Variants in LRFN2 observed in about 807,000 individuals in gnomAD.
LRFN2 encodes leucine rich repeat and fibronectin type III domain containing 2.
LRFN2 carries 18 observed loss-of-function variants against 37.3 expected under a neutral mutation model. That is an observed-to-expected ratio of 0.48 (90% CI 0.33 to 0.72). LRFN2 has a LOEUF of 0.72. Among genes scored for constraint, LRFN2 ranks in the 30% least tolerant of loss-of-function variants. LRFN2 has a pLI of 0.02. For missense variants in LRFN2, 1,006 were observed against 1,060.7 expected (o/e 0.95, Z 0.72); for synonymous variants, 556 against 466.6 (o/e 1.19, Z -2.47).
chr6:40,502,813 T>G (rs1454715690), intron 1 of LRFN2, among the ~76,000 whole-genome samples: 1 of 152,176 alleles, frequency 6.6e-6, no homozygotes, highest in Non-Finnish European at 1.5e-5. Flanking sequence ...CCATACAGCT[T>G]AGAGTCGAGC....
At position 40,469,417 on chromosome 6, in the gene LRFN2, C is replaced by G. The variant is rs920591395; in HGVS notation, c.-18-36286G>C. Among the ~76,000 whole-genome samples the G allele has an allele frequency of 6.6e-5, 10 of 152,314 alleles. No homozygotes were observed. In the East Asian group the frequency reaches 1.4e-3, roughly 21 times the overall value. ...CAACCATCATCTTTGGACAGGAAACCTCCTATCCTGGGCTAGTAGGGCCTG... is the reference window on the plus strand; with the variant it reads ...CAACCATCATCTTTGGACAGGAAACGTCCTATCCTGGGCTAGTAGGGCCTG... On this transcript the variant is annotated intron_variant, in intron 1 of 2. Coordinates refer to ENST00000338305, the MANE Select transcript of LRFN2 (RefSeq NM_020737.3).
intron 1 of LRFN2, among the ~76,000 whole-genome samples, chr6:40,490,968 T>G (rs1765078675): frequency 6.6e-6 from 1 of 152,132 alleles, no homozygotes. Context: ...GAGGGGTATG[T>G]GCATGGTGTG....
chr6:40,418,056 C>G (rs1330952003), intron 2 of LRFN2, among the ~76,000 whole-genome samples: 3 of 152,170 alleles, frequency 2.0e-5, no homozygotes, highest in Admixed American at 2.0e-4. Flanking sequence ...CCGTCTCATT[C>G]AAGATAAAAT....
chr6:40,498,530 T>TA (rs1212360010), intron 1 of LRFN2, among the ~76,000 whole-genome samples: 1 of 152,206 alleles, frequency 6.6e-6, no homozygotes. Context: ...AAAAAGCATG[T>TA]AGACTTGCTC....
At chr6:40,519,289 G>A (rs1345380703) in intron 1 of LRFN2, among the ~76,000 whole-genome samples, 1 of 152,178 alleles carries the variant, frequency 6.6e-6, no homozygotes, top group Non-Finnish European at 1.5e-5. Context: ...TCAGAGAGGT[G>A]GAATGACTGG....
intron 1 of LRFN2, among the ~76,000 whole-genome samples, chr6:40,438,894 G>A (rs77461769): frequency 6.0e-4 from 92 of 152,214 alleles, no homozygotes; most frequent in African/African-American, 2.1e-3. Flanking sequence ...TAGGCCCTTG[G>A]TTTGTAATAA....
intron 2 of LRFN2, among the ~76,000 whole-genome samples, chr6:40,425,712 G>A (rs1240262362): frequency 6.6e-6 from 1 of 152,268 alleles, no homozygotes; most frequent in Admixed American, 6.5e-5. Flanking sequence ...CTGGTGGACT[G>A]TCTGTCTCCA....
At chr6:40,443,132 T>C (rs1763881615) in intron 1 of LRFN2, among the ~76,000 whole-genome samples, 1 of 152,194 alleles carries the variant, frequency 6.6e-6, no homozygotes, top group Non-Finnish European at 1.5e-5. Flanking sequence ...GAACAGGTTA[T>C]AGACAAAGGG....
chr6:40,524,298 C>T (rs1370742740), intron 1 of LRFN2, among the ~76,000 whole-genome samples: 1 of 152,120 alleles, frequency 6.6e-6, no homozygotes, highest in Non-Finnish European at 1.5e-5. Flanking sequence ...TGTCCCATAA[C>T]CAGGACAGAT....
chr6:40,432,570 G>T lies in LRFN2; in HGVS notation c.544C>A (p.His182Asn). 2.5e-6 allele frequency: 4 copies of T among 1,614,232 alleles called. No individual in the cohort carries two copies. Among genetic ancestry groups the T allele is most frequent in the Non-Finnish European group, 8.5e-7 (1 of 1,180,034 alleles). ...MVNLHQLSLD[H>N]NLLDHIAEGT... ...TCGGCGATGTGATCCAGCAGGTTGT[G>T]GTCCAGGCTCAGCTGGTGGAGGTTG... The change falls in exon 2 of 3, where the codon CAC (histidine) becomes AAC (asparagine). Residue 182 changes from histidine (H) to asparagine (N), a missense_variant. This residue lies in a region of LRFN2 where 185 missense variants were observed against 254.9 expected (regional missense o/e 0.73). Transcript: ENST00000338305.
At chr6:40,399,426 C>CTTTTT (rs61458320) in intron 2 of LRFN2, among the ~76,000 whole-genome samples, 6 of 134,398 alleles carry the variant, frequency 4.5e-5, no homozygotes, top group Admixed American at 8.1e-5. Flanking sequence ...TTTTTCTTTT[C>CTTTTT]TTTTTTTTTT....
chr6:40,577,042 T>G (rs1436137290), intron 1 of LRFN2, among the ~76,000 whole-genome samples: 1 of 141,142 alleles, frequency 7.1e-6, no homozygotes, highest in Non-Finnish European at 1.6e-5. Context: ...CTACTGGAGG[T>G]CCTCATTCCC....
chr6:40,510,594 G>A (rs922552957), intron 1 of LRFN2, among the ~76,000 whole-genome samples: 7 of 152,362 alleles, frequency 4.6e-5, no homozygotes, highest in African/African-American at 1.7e-4. Context: ...GGCACAGTGA[G>A]GAGTGGGGTG....
chr6:40,514,949 C>G (rs762059667), intron 1 of LRFN2, among the ~76,000 whole-genome samples: 6 of 152,184 alleles, frequency 3.9e-5, no homozygotes, highest in Non-Finnish European at 8.8e-5. Flanking sequence ...AACTTCTCAG[C>G]AGTAGCCACC....
chr6:40,574,330 T>G (rs1296738339), intron 1 of LRFN2, among the ~76,000 whole-genome samples: 1 of 152,188 alleles, frequency 6.6e-6, no homozygotes. Flanking sequence ...CTAAGTGACT[T>G]GCATGAGGGT....
chr6:40,457,535 G>A (rs892241397), intron 1 of LRFN2, among the ~76,000 whole-genome samples: 11 of 151,282 alleles, frequency 7.3e-5, no homozygotes, highest in African/African-American at 2.7e-4. Context: ...CACCTTGAGA[G>A]GCTGAGGCAG....
At chr6:40,543,053 G>T (rs1766585491) in intron 1 of LRFN2, among the ~76,000 whole-genome samples, 1 of 152,134 alleles carries the variant, frequency 6.6e-6, no homozygotes, top group African/African-American at 2.4e-5. Flanking sequence ...AAAGTGACTG[G>T]GCCTGATGAC....
intron 1 of LRFN2, among the ~76,000 whole-genome samples, chr6:40,487,400 G>A (rs1353229298): frequency 6.6e-6 from 1 of 152,146 alleles, no homozygotes; most frequent in Non-Finnish European, 1.5e-5. Flanking sequence ...TGCCTCACAG[G>A]TGCTCCAGAT....
intron 1 of LRFN2, among the ~76,000 whole-genome samples, chr6:40,526,312 T>C (rs1187504225): frequency 6.6e-6 from 1 of 152,208 alleles, no homozygotes; most frequent in Non-Finnish European, 1.5e-5. Context: ...TGCGTCACCA[T>C]TCCAAGTGCC....
Sources: allele counts gnomAD v4.1 joint callset (sites outside exome capture counted in the v4.1 genomes callset), GRCh38; gene constraint gnomAD v4.1.1; regional missense constraint gnomAD v4.1.1; transcripts MANE v1.5; gene names NCBI Gene and HGNC (gene_info 2026-07-23, HGNC 2026-07-21).